The following ADCY3 variants were observed in gnomAD, a reference collection of about 807,000 sequenced individuals.
The protein encoded by ADCY3 is adenylate cyclase 3.
Under a neutral mutation model 119.4 loss-of-function variants are expected in ADCY3, and 70 were observed. The observed-to-expected ratio is 0.59, with a 90% CI of 0.48 to 0.72. The LOEUF (loss-of-function observed/expected upper bound fraction) is 0.72, where lower values mean the gene tolerates loss of function less well. Among genes scored for constraint, ADCY3 ranks in the 30% least tolerant of loss-of-function variants. The probability of loss-of-function intolerance (pLI) is 0.00; values close to 1 mark genes in which losing one functional copy is unlikely to be tolerated. For missense variants in ADCY3, 1,238 were observed against 1,541.6 expected (o/e 0.80, Z 3.30); for synonymous variants, 672 against 621.4 (o/e 1.08, Z -1.21).
rs1671112863 is a variant in ADCY3, at chr2:24,842,360, G to A, written c.850C>T (p.Pro284Ser). 6.2e-7 allele frequency: 1 copy of A among 1,614,044 alleles called. No individual in the cohort carries two copies. ...QQENLMLSILPKHVADEMLKD... is the reference protein window; with the variant it reads ...QQENLMLSILSKHVADEMLKD... The stretch of plus-strand genomic sequence containing the variant: ...AGCATCTCGTCAGCCACGTGCTTGG[G>A]CAGGATGGAAAGCATGAGGTTCTCC... The change falls in exon 4 of 22, where the codon CCC becomes TCC. Residue 284 changes from proline (P) to serine (S), a missense_variant. Physicochemically the swap from Pro to Ser is moderately conservative, Grantham distance 74. This residue lies in a region of ADCY3 where 283 missense variants were observed against 437.2 expected (regional missense o/e 0.65). Transcript: ENST00000679454. The surrounding 1 kb of genome is among the most constrained non-coding windows in gnomAD (Gnocchi z 4.9).
At chr2:24,849,536 G>A (rs908843929) in intron 3 of ADCY3, among the ~76,000 whole-genome samples, 3 of 152,146 alleles carry the variant, frequency 2.0e-5, no homozygotes, top group African/African-American at 7.2e-5. Context: ...AATATGTTCT[G>A]AAAGCAGAAA....
At chr2:24,827,458 T>C (rs1668782397) in intron 15 of ADCY3, 88 bp downstream of exon 15, 2 of 1,427,632 alleles carry the variant, frequency 1.4e-6, no homozygotes, top group South Asian at 1.2e-5. Context: ...CCCGGGAGGG[T>C]GAGATCCCGG....
In ADCY3 at chr2:24,826,227, CCTAGAGCTCACCCCGGCT is replaced by C. The variant is rs1668597856; in HGVS notation, c.2496-119_2496-102del. 7 of 1,061,850 alleles carry C rather than the reference CCTAGAGCTCACCCCGGCT, an allele frequency of 6.6e-6. No individual in the cohort carries two copies. The East Asian group carries it at 1.8e-4, about 27-fold the overall frequency. The allele number at this position is 1,061,850 out of a possible 1,614,324, so 65.8% of individuals were successfully genotyped here. ...TGGTGCTGCTTCCTGCCACCCCAGC[CCTAGAGCTCACCCCGGCT>C]CCTTAGGCCCTTTCACATCAAGTCG... On this transcript the variant is annotated intron_variant, in intron 15 of 21. Transcript: ENST00000679454.
At chr2:24,821,056 C>G (rs934124551) in intron 20 of ADCY3, 4 of 648,198 alleles carry the variant, frequency 6.2e-6, no homozygotes, top group African/African-American at 1.9e-5. Context: ...CACCCCCCCC[C>G]CATATGCAGA....
At chr2:24,867,244 C>T (rs113208457) in intron 3 of ADCY3, among the ~76,000 whole-genome samples, 7 of 152,092 alleles carry the variant, frequency 4.6e-5, no homozygotes, top group South Asian at 2.1e-4. Flanking sequence ...ATGAAGGAAG[C>T]GGGAAGGATA....
At chr2:24,907,313 T>C (rs921256833) in intron 2 of ADCY3, among the ~76,000 whole-genome samples, 1 of 151,628 alleles carries the variant, frequency 6.6e-6, no homozygotes, top group Admixed American at 6.6e-5. Flanking sequence ...AGATCAGTCC[T>C]GAAGTGACAT....
chr2:24,884,728 T>C (rs11693654), intron 2 of ADCY3, among the ~76,000 whole-genome samples: 80,739 of 151,336 alleles, frequency 0.53, 24,121 homozygotes, highest in African/African-American at 0.83. Flanking sequence ...CTGCCCGCCT[T>C]GGCCTCCCAA....
At chr2:24,860,000 C>T (rs985599593) in intron 3 of ADCY3, among the ~76,000 whole-genome samples, 5 of 152,170 alleles carry the variant, frequency 3.3e-5, no homozygotes, top group South Asian at 2.1e-4. Context: ...TCCTCACCTC[C>T]GAGGGAGGAC....
intron 2 of ADCY3, among the ~76,000 whole-genome samples, chr2:24,916,246 T>A (rs993189960): frequency 1.3e-5 from 2 of 152,232 alleles, no homozygotes; most frequent in Admixed American, 1.3e-4. Flanking sequence ...AGCCACGTGG[T>A]GGGGCACCCA....
chr2:24,918,530 G>A lies in ADCY3; in HGVS notation c.458C>T (p.Ser153Phe). The change falls in exon 2 of 22, where the codon TCC becomes TTC. Residue 153 changes from serine (S) to phenylalanine (F), a missense_variant. Transcript: ENST00000679454. This position sits in a 1 kb window ranked among gnomAD's most constrained non-coding sequence, Gnocchi z 5.4. The part of the protein sequence containing the change: ...LWLLITAQIF[S>F]YLGLNFARAH... ...ACGCGCGAAGTTCAGGCCCAGGTAGGAGAAGATCTGGGCGGTTATGAGCAG... is the reference window on the plus strand; with the variant it reads ...ACGCGCGAAGTTCAGGCCCAGGTAGAAGAAGATCTGGGCGGTTATGAGCAG... 1.2e-6 allele frequency: 2 copies of A among 1,613,978 alleles called. No individual in the cohort carries two copies. Among genetic ancestry groups the A allele is most frequent in the Admixed American group, 1.7e-5 (1 of 60,026 alleles).
intron 2 of ADCY3, among the ~76,000 whole-genome samples, chr2:24,883,823 G>A (rs1411011499): frequency 2.0e-5 from 3 of 152,188 alleles, no homozygotes; most frequent in Non-Finnish European, 2.9e-5. Flanking sequence ...GATCACTGAT[G>A]ACACAGAAAC....
intron 3 of ADCY3, among the ~76,000 whole-genome samples, chr2:24,865,672 C>T (rs112642740): frequency 1.1e-4 from 16 of 152,078 alleles, no homozygotes; most frequent in African/African-American, 3.4e-4. Flanking sequence ...CATACTTTTA[C>T]GATTTTATAC....
rs1163431935 is a variant in ADCY3 at position 24,834,560 on chromosome 2, T to C, written c.1892A>G (p.Gln631Arg). The change falls in exon 11 of 22, where the codon CAG becomes CGG. Residue 631 changes from glutamine (Q) to arginine (R), a missense_variant. This residue lies in a region of ADCY3 where 499 missense variants were observed against 571.0 expected (regional missense o/e 0.87). Transcript: ENST00000679454. The surrounding 1 kb of genome is among the most constrained non-coding windows in gnomAD (Gnocchi z 4.2). ...GGAGCAGCTGAAGGCAGCCCCACTCTGCTTCTCCTTCTCCACCGAGTAGCG... is the reference window on the plus strand; with the variant it reads ...GGAGCAGCTGAAGGCAGCCCCACTCCGCTTCTCCTTCTCCACCGAGTAGCG... ...ETRYSVEKEK[Q>R]SGAAFSCSCV... The C allele has an allele frequency of 8.7e-6, 14 of 1,613,832 alleles. No homozygotes were observed. The highest frequency in any genetic ancestry group is 4.0e-5 in the African/African-American group (3 of 74,896).
intron 3 of ADCY3, among the ~76,000 whole-genome samples, chr2:24,854,355 G>A (rs1266736944): frequency 6.6e-6 from 1 of 152,202 alleles, no homozygotes; most frequent in Non-Finnish European, 1.5e-5. Context: ...GTTTTGGGGG[G>A]TACAGCAAAG....
intron 2 of ADCY3, among the ~76,000 whole-genome samples, chr2:24,882,588 A>C (rs1026852521): frequency 6.6e-6 from 1 of 152,228 alleles, no homozygotes; most frequent in African/African-American, 2.4e-5. Flanking sequence ...TCTAGGCCAA[A>C]TAATTCCAAT....
intron 3 of ADCY3, among the ~76,000 whole-genome samples, chr2:24,863,890 G>T (rs1195383706): frequency 6.6e-6 from 1 of 152,180 alleles, no homozygotes; most frequent in Non-Finnish European, 1.5e-5. Flanking sequence ...GAATCCTTTG[G>T]GGAGGGTTTC....
At chr2:24,908,233 G>C (rs1663137944) in intron 2 of ADCY3, among the ~76,000 whole-genome samples, 1 of 152,004 alleles carries the variant, frequency 6.6e-6, no homozygotes, top group Non-Finnish European at 1.5e-5. Flanking sequence ...TGAGGCAGGA[G>C]AATCACTTGA....
chr2:24,877,833 C>G (rs1483277119), intron 2 of ADCY3: 3 of 465,544 alleles, frequency 6.4e-6, no homozygotes, highest in Non-Finnish European at 1.3e-5. Flanking sequence ...AGACAGCTGG[C>G]GCTCGAAGCC....
intron 16 of ADCY3, among the ~76,000 whole-genome samples, chr2:24,825,349 TGC>T (rs142710775): frequency 0.87 from 73,388 of 84,104 alleles, 31,476 homozygotes; most frequent in East Asian, 0.92. Context: ...GGGGGGGGGG[TGC>T]GGGGGGGGTG....
Sources: allele counts gnomAD v4.1 joint callset (sites outside exome capture counted in the v4.1 genomes callset), GRCh38; gene constraint gnomAD v4.1.1; regional missense constraint gnomAD v4.1.1; non-coding constraint Gnocchi (gnomAD v3.1); transcripts MANE v1.5; gene names NCBI Gene and HGNC (gene_info 2026-07-23, HGNC 2026-07-21).